DHX15: variants seen among roughly 807,000 people sequenced by gnomAD.
DHX15 encodes ATP-dependent RNA helicase DHX15.
Under a neutral mutation model 94.4 loss-of-function variants are expected in DHX15, and 11 were observed. That is an observed-to-expected ratio of 0.12 (90% CI 0.07 to 0.19). The LOEUF (loss-of-function observed/expected upper bound fraction) is 0.19, where lower values mean the gene tolerates loss of function less well. DHX15 is among the 10% of genes least tolerant of loss of function. The pLI is 1.00. For missense variants in DHX15, 304 were observed against 988.5 expected (o/e 0.31, Z 9.29); for synonymous variants, 338 against 329.9 (o/e 1.02, Z -0.27).
intron 6 of DHX15, among the ~76,000 whole-genome samples, chr4:24,545,779 C>T (rs1052282802): frequency 1.3e-5 from 2 of 152,132 alleles, no homozygotes; most frequent in Non-Finnish European, 1.5e-5. Context: ...TTGAATTTGT[C>T]AAGGGATTTA....
At position 24,556,480 on chromosome 4, in the gene DHX15, A is replaced by G. The variant is rs1721740434; in HGVS notation, c.702-70T>C. ...TTTAAAACCAAACTTCGTGACAAAA[A>G]TGAAATGCAAAGACATAAGGTAAAT... On this transcript the variant is annotated intron_variant, in intron 3 of 13. Transcript: ENST00000336812. 3.1e-6 allele frequency: 4 copies of G among 1,281,734 alleles called. No individual in the cohort carries two copies. The East Asian group carries it at 7.1e-5, about 23-fold the overall frequency. The allele number at this position is 1,281,734 out of a possible 1,614,324, so 79.4% of individuals were successfully genotyped here.
chr4:24,563,568 A>C (rs1721929479), intron 3 of DHX15: 1 of 152,220 alleles, frequency 6.6e-6, no homozygotes, highest in South Asian at 2.1e-4. Context: ...TTCCATCTGT[A>C]AATGCATTAA....
At chr4:24,575,804 T>C (rs975980421) in intron 2 of DHX15, among the ~76,000 whole-genome samples, 5 of 152,178 alleles carry the variant, frequency 3.3e-5, no homozygotes, top group African/African-American at 7.2e-5. Context: ...TTTAGTTCTA[T>C]GGGAGGGAGG....
chr4:24,572,382 C>T (rs140593267), intron 2 of DHX15, among the ~76,000 whole-genome samples: 3 of 152,158 alleles, frequency 2.0e-5, no homozygotes, highest in Non-Finnish European at 2.9e-5. Context: ...GTGATGCACC[C>T]GCCTCAGCCT....
intron 1 of DHX15, 169 bp downstream of exon 1, chr4:24,584,154 C>G: frequency 1.4e-6 from 1 of 689,852 alleles, no homozygotes; most frequent in Non-Finnish European, 2.3e-6. Context: ...GCGCCCTTGC[C>G]GGGCCGAACG....
At chr4:24,528,949 C>T (rs1378852532) in intron 13 of DHX15, among the ~76,000 whole-genome samples, 1 of 151,856 alleles carries the variant, frequency 6.6e-6, no homozygotes, top group African/African-American at 2.4e-5. Context: ...AGAAACAGTA[C>T]TGACTTGAGA....
At chr4:24,533,229 G>A (rs1350919665) in intron 11 of DHX15, 175 bp from the exon 12 acceptor site, 2 of 626,526 alleles carry the variant, frequency 3.2e-6, no homozygotes, top group African/African-American at 1.8e-5. Context: ...AAGATCTGTA[G>A]TGTGATTCAA....
At chr4:24,545,539 A>C (rs1189708721) in intron 6 of DHX15, among the ~76,000 whole-genome samples, 1 of 152,234 alleles carries the variant, frequency 6.6e-6, no homozygotes, top group Non-Finnish European at 1.5e-5. Flanking sequence ...ACCCTAAAAT[A>C]CAAGTGTTAA....
At chr4:24,549,362 A>C (rs1443587194) in intron 5 of DHX15, among the ~76,000 whole-genome samples, 1 of 152,214 alleles carries the variant, frequency 6.6e-6, no homozygotes, top group Non-Finnish European at 1.5e-5. Flanking sequence ...CGACCTTTTC[A>C]ATTTTCACAA....
Position 24,533,193 on chromosome 4 carries a change from G to A in DHX15, c.1910-139C>T, listed in dbSNP as rs780243771. ...TTTACCCACAACATTTTCTTTAAAT[G>A]AACTGCAATGTTACCAACTTTCTCA... On this transcript the variant is annotated intron_variant, in intron 11 of 13. Coordinates refer to ENST00000336812, the MANE Select transcript of DHX15 (RefSeq NM_001358.3). 3 of 738,336 alleles carry A rather than the reference G, an allele frequency of 4.1e-6. No individual in the cohort carries two copies. In the East Asian group the frequency reaches 7.9e-5, roughly 19 times the overall value. 45.7% of individuals were successfully genotyped at this position (738,336 alleles called of 1,614,324 possible). A position where few individuals can be genotyped will look rare whatever the true frequency, so the allele number is the denominator to read the frequency against.
At chr4:24,572,642 T>C (rs1290573897) in intron 2 of DHX15, among the ~76,000 whole-genome samples, 3 of 149,008 alleles carry the variant, frequency 2.0e-5, no homozygotes, top group Admixed American at 2.0e-4. Context: ...ACAATAAAAC[T>C]CATTCTGTTT....
intron 3 of DHX15, among the ~76,000 whole-genome samples, chr4:24,560,048 T>G (rs184357313): frequency 8.5e-5 from 13 of 152,230 alleles, no homozygotes; most frequent in African/African-American, 3.1e-4. Flanking sequence ...TCAACCTAGC[T>G]TAAGTATTTT....
In DHX15 at chr4:24,527,960, A is replaced by G. The variant is rs1261083108; in HGVS notation, c.2352T>C (p.Ile784=). Residue 784 remains isoleucine (I), a synonymous_variant, in exon 14 of 14, where the codon ATT becomes ATC. Coordinates refer to ENST00000336812, the MANE Select transcript of DHX15 (RefSeq NM_001358.3). ...AATATTCCTTGGATTGAAGTTTGGC[A>G]ATGATGCGGTCCAACTGTCTCTTTG... The part of the protein sequence containing the change: ...CEAKRQLDRI[I]AKLQSKEYSQ... The G allele has an allele frequency of 6.2e-7, 1 of 1,613,928 alleles. No individual in the cohort carries two copies. Among genetic ancestry groups the G allele is most frequent in the South Asian group, 1.1e-5 (1 of 91,070 alleles).
At chr4:24,544,924 C>T (rs995857741) in intron 6 of DHX15, among the ~76,000 whole-genome samples, 2 of 151,820 alleles carry the variant, frequency 1.3e-5, no homozygotes, top group African/African-American at 4.8e-5. Context: ...GCCTGGACAA[C>T]ATAGTAAAAC....
intron 3 of DHX15, among the ~76,000 whole-genome samples, chr4:24,560,380 A>G (rs1460312923): frequency 6.6e-6 from 1 of 152,134 alleles, no homozygotes; most frequent in African/African-American, 2.4e-5. Flanking sequence ...AATGTTTAAA[A>G]CAAAAACAAA....
chr4:24,570,074 A>C (rs924329568), intron 3 of DHX15, among the ~76,000 whole-genome samples: 4 of 152,268 alleles, frequency 2.6e-5, no homozygotes, highest in Non-Finnish European at 5.9e-5. Flanking sequence ...GTATAAGACA[A>C]TAAAAAGTTG....
rs758092865 is a variant in DHX15 at position 24,576,638 on chromosome 4, T to C, written c.112A>G (p.Lys38Glu). The change falls in exon 2 of 14, where the codon AAA (lysine) becomes GAA (glutamate). Residue 38 changes from lysine (K) to glutamate (E), a missense_variant. Transcript: ENST00000336812. ...DRDRDREDRSKDRDRERDRGD... is the reference protein window; with the variant it reads ...DRDRDREDRSEDRDRERDRGD... ...CTATCACGTTCTCGGTCTCGATCTT[T>C]AGACCGATCTTCACGATCCCGGTCT... The C allele has an allele frequency of 6.2e-7, 1 of 1,613,238 alleles. No individual in the cohort carries two copies. Among genetic ancestry groups the C allele is most frequent in the Non-Finnish European group, 8.5e-7 (1 of 1,179,172 alleles).
chr4:24,547,921 ATAT>A (rs1560765813), intron 6 of DHX15, among the ~76,000 whole-genome samples: 2 of 89,176 alleles, frequency 2.2e-5, no homozygotes, highest in Admixed American at 1.2e-4. Context: ...ATATATATAT[ATAT>A]ATATATATAT....
At chr4:24,528,629 T>A (rs1464776287) in intron 13 of DHX15, among the ~76,000 whole-genome samples, 1 of 152,218 alleles carries the variant, frequency 6.6e-6, no homozygotes, top group Non-Finnish European at 1.5e-5. Context: ...TGACAGCACC[T>A]AGAATATGTG....
Sources: allele counts gnomAD v4.1 joint callset (sites outside exome capture counted in the v4.1 genomes callset), GRCh38; gene constraint gnomAD v4.1.1; transcripts MANE v1.5; gene names NCBI Gene and HGNC (gene_info 2026-07-23, HGNC 2026-07-21).